The following FAM178B variants were observed in gnomAD, a reference collection of about 807,000 sequenced individuals.
The protein encoded by FAM178B is protein FAM178B.
Under a neutral mutation model 91.7 loss-of-function variants are expected in FAM178B, and 82 were observed. The observed-to-expected ratio is 0.89, with a 90% CI of 0.75 to 1.07. The LOEUF (loss-of-function observed/expected upper bound fraction) is 1.07. Among genes scored for constraint, FAM178B ranks in the 50% least tolerant of loss-of-function variants. The probability of loss-of-function intolerance (pLI) is 0.00; values close to 1 mark genes in which losing one functional copy is unlikely to be tolerated. For synonymous variants in FAM178B, 368 were observed against 359.4 expected (o/e 1.02, Z -0.27); for missense variants, 769 against 846.7 (o/e 0.91, Z 1.14).
At chr2:96,964,329 G>A (rs2082118359) in intron 5 of FAM178B, among the ~76,000 whole-genome samples, 1 of 152,172 alleles carries the variant, frequency 6.6e-6, no homozygotes, top group East Asian at 1.9e-4. Context: ...GGAACTCTGT[G>A]TGTTATCACT....
chr2:96,944,474 T>C (rs1473692701), intron 8 of FAM178B, among the ~76,000 whole-genome samples: 1 of 152,172 alleles, frequency 6.6e-6, no homozygotes, highest in Admixed American at 6.5e-5. Flanking sequence ...AGCAGTGACC[T>C]CGTATGTCCC....
intron 13 of FAM178B, among the ~76,000 whole-genome samples, chr2:96,902,109 ATT>A (rs373394292): frequency 5.8e-5 from 8 of 138,356 alleles, no homozygotes; most frequent in African/African-American, 1.0e-4. Flanking sequence ...TTTTACTACA[ATT>A]TTTTTTTTTT....
In FAM178B at chr2:96,921,249, C is replaced by G; in HGVS notation, c.1478G>C (p.Cys493Ser). 6.4e-7 allele frequency: 1 copy of G among 1,551,608 alleles called. No individual in the cohort carries two copies. Among genetic ancestry groups the G allele is most frequent in the Non-Finnish European group, 8.7e-7 (1 of 1,146,978 alleles). The change falls in exon 12 of 17, where the codon TGC (cysteine) becomes TCC (serine). Residue 493 changes from cysteine (C) to serine (S), a missense_variant. Cys to Ser is a moderately radical substitution (Grantham distance 112). Transcript: ENST00000490605. ...GTCAGACACCCAGCTCAGGGTGCAG[C>G]ACAGTTCCTGGAGCTGCAGGAGAAC... ...REWPGKLQEL[C>S]CTLSWVSDHH...
intron 5 of FAM178B, among the ~76,000 whole-genome samples, chr2:96,965,822 C>T (rs1374835534): frequency 6.6e-6 from 1 of 152,074 alleles, no homozygotes; most frequent in African/African-American, 2.4e-5. Flanking sequence ...ACCTAAGCTC[C>T]GGGGGTCCCT....
chr2:96,927,667 A>G (rs953568598), intron 9 of FAM178B, among the ~76,000 whole-genome samples: 1 of 152,210 alleles, frequency 6.6e-6, no homozygotes, highest in Non-Finnish European at 1.5e-5. Context: ...CTCTGGAGAC[A>G]ACGGATTTGT....
chr2:96,983,045 A>G (rs1417395715), intron 1 of FAM178B, among the ~76,000 whole-genome samples: 3 of 148,530 alleles, frequency 2.0e-5, no homozygotes, highest in Admixed American at 1.3e-4. Context: ...TGCCTGGCTA[A>G]TTTTAAAATA....
intron 13 of FAM178B, chr2:96,894,941 C>T (rs371962076): frequency 5.4e-6 from 4 of 735,338 alleles, no homozygotes; most frequent in East Asian, 1.6e-4. Context: ...CCTGCACTGC[C>T]GCTCTGCATC....
Position 96,880,625 on chromosome 2 carries a change from C to T in FAM178B, c.1777-2132G>A, listed in dbSNP as rs563503150. Among the ~76,000 whole-genome samples, 8 of 151,612 alleles carry T rather than the reference C, an allele frequency of 5.3e-5. No homozygotes were observed. The East Asian group carries it at 5.8e-4, about 11-fold the overall frequency. On this transcript the variant is annotated intron_variant, in intron 14 of 16. Coordinates refer to ENST00000490605, the MANE Select transcript of FAM178B (RefSeq NM_001122646.3). ...ATTTTTTTTTTTTGAGACGGAGTCTCGCTCTGTTGCCCAGGCTGTAGTGCA... is the reference window on the plus strand; with the variant it reads ...ATTTTTTTTTTTTGAGACGGAGTCTTGCTCTGTTGCCCAGGCTGTAGTGCA...
chr2:96,900,158 C>T (rs1413388825), intron 13 of FAM178B, among the ~76,000 whole-genome samples: 3 of 152,164 alleles, frequency 2.0e-5, no homozygotes, highest in Non-Finnish European at 2.9e-5. Context: ...CTCCACTCTG[C>T]GCTGGGCCTG....
chr2:96,928,486 C>CG (rs2081484946), intron 9 of FAM178B, among the ~76,000 whole-genome samples: 2 of 152,118 alleles, frequency 1.3e-5, no homozygotes, highest in South Asian at 4.1e-4. Flanking sequence ...CGGGGCTCAA[C>CG]GGGGGCACTC....
At position 96,881,403 on chromosome 2, in the gene FAM178B, A is replaced by G. The variant is rs551581844; in HGVS notation, c.1777-2910T>C. 2.0e-5 allele frequency among the ~76,000 whole-genome samples: 3 copies of G among 152,050 alleles called. No homozygotes were observed. In the East Asian group the frequency reaches 5.8e-4, roughly 29 times the overall value. On this transcript the variant is annotated intron_variant, in intron 14 of 16. Transcript: ENST00000490605. ...GGGCCGTCACTGAGGACAGCTGGGG[A>G]AGGCACCCTGGGCTGTCTGCGAGGG...
chr2:96,969,011 A>G (rs1311293689), intron 4 of FAM178B, among the ~76,000 whole-genome samples: 1 of 152,124 alleles, frequency 6.6e-6, no homozygotes, highest in East Asian at 1.9e-4. Flanking sequence ...CCTTTCTTGC[A>G]AGGTTCAGTG....
chr2:96,947,680 A>G, intron 8 of FAM178B, 138 bp downstream of exon 8: 1 of 569,562 alleles, frequency 1.8e-6, no homozygotes, highest in Non-Finnish European at 3.2e-6. Flanking sequence ...TGAGCCAAAG[A>G]TGGCCTGATG....
At position 96,972,122 on chromosome 2, in the gene FAM178B, C is replaced by A. The variant is rs533483443; in HGVS notation, c.343G>T (p.Val115Leu). ...AGCACCCTCGGGTTGAGGAATTCCA[C>A]GGGCGGGGGGCTCCAGTCAGTGGGA... ...TFPTDWSPPP[V>L]EFLNPRVLQA... The change falls in exon 3 of 17, where the codon GTG becomes TTG. Residue 115 changes from valine (V) to leucine (L), a missense_variant. Val to Leu is a conservative substitution (Grantham distance 32). Coordinates refer to ENST00000490605, the MANE Select transcript of FAM178B (RefSeq NM_001122646.3). The A allele has an allele frequency of 5.4e-5, 83 of 1,524,104 alleles. No homozygotes were observed. The African/African-American group carries it at 9.4e-4, about 17-fold the overall frequency. The allele number at this position is 1,524,104 out of a possible 1,614,324, so 94.4% of individuals were successfully genotyped here. A position where few individuals can be genotyped will look rare whatever the true frequency, so the allele number is the denominator to read the frequency against.
intron 12 of FAM178B, among the ~76,000 whole-genome samples, chr2:96,918,274 TA>T (rs1187908710): frequency 1.3e-5 from 2 of 151,698 alleles, no homozygotes; most frequent in Non-Finnish European, 2.9e-5. Flanking sequence ...AAACATACTG[TA>T]ACATAATAAG....
chr2:96,952,309 A>C (rs2081941171), intron 6 of FAM178B, among the ~76,000 whole-genome samples: 1 of 152,224 alleles, frequency 6.6e-6, no homozygotes, highest in Admixed American at 6.5e-5. Context: ...GGATGAAGAC[A>C]TTCTGGGAAG....
intron 9 of FAM178B, among the ~76,000 whole-genome samples, chr2:96,927,956 A>G (rs915802690): frequency 6.6e-6 from 1 of 152,184 alleles, no homozygotes; most frequent in Non-Finnish European, 1.5e-5. Flanking sequence ...TGCCAGGAGG[A>G]GGCAAGTGGC....
intron 13 of FAM178B, among the ~76,000 whole-genome samples, chr2:96,899,469 G>A (rs1037641996): frequency 6.6e-6 from 1 of 152,090 alleles, no homozygotes; most frequent in Non-Finnish European, 1.5e-5. Context: ...ACCTGGCTTG[G>A]CCCTGACAGG....
At chr2:96,888,340 G>T (rs1048023215) in intron 14 of FAM178B, among the ~76,000 whole-genome samples, 4 of 152,236 alleles carry the variant, frequency 2.6e-5, no homozygotes, top group African/African-American at 9.6e-5. Context: ...AAGGTCCCCA[G>T]CCCAGTGGGG....
Sources: allele counts gnomAD v4.1 joint callset (sites outside exome capture counted in the v4.1 genomes callset), GRCh38; gene constraint gnomAD v4.1.1; transcripts MANE v1.5; gene names NCBI Gene and HGNC (gene_info 2026-07-23, HGNC 2026-07-21).